The following TMEM161B variants were observed in gnomAD, a reference collection of about 807,000 sequenced individuals.
The protein encoded by TMEM161B is transmembrane protein 161B.
TMEM161B carries 34 observed loss-of-function variants against 61.8 expected under a neutral mutation model. That is an observed-to-expected ratio of 0.55 (90% CI 0.42 to 0.73). The LOEUF (loss-of-function observed/expected upper bound fraction) is 0.73, where lower values mean the gene tolerates loss of function less well. TMEM161B is among the 30% of genes least tolerant of loss of function. TMEM161B has a pLI of 0.00. For synonymous variants in TMEM161B, 167 were observed against 192.8 expected, an observed-to-expected ratio of 0.87 and a Z score of 1.11; for missense variants, 456 against 558.5, an observed-to-expected ratio of 0.82 and a Z score of 1.85.
chr5:88,195,431 T>C lies in TMEM161B; in HGVS notation c.*780A>G. 1.0e-6 allele frequency: 1 copy of C among 956,800 alleles called. No individual in the cohort carries two copies. Among genetic ancestry groups the C allele is most frequent in the Non-Finnish European group, 1.2e-6 (1 of 804,972 alleles). 59.3% of individuals were successfully genotyped at this position (956,800 alleles called of 1,614,324 possible). A position where few individuals can be genotyped will look rare whatever the true frequency, so the allele number is the denominator to read the frequency against. Reference sequence around the variant, plus strand: ...GGTTTACAAAGTAATTTCTTTAAAGTCTGATCAGTATTGATAAATATTTTA... The same window carrying C: ...GGTTTACAAAGTAATTTCTTTAAAGCCTGATCAGTATTGATAAATATTTTA... On this transcript the variant is annotated 3_prime_UTR_variant, in exon 12 of 12. Transcript: ENST00000296595.
chr5:88,218,338 A>C (rs1226417855), intron 5 of TMEM161B, among the ~76,000 whole-genome samples: 2 of 152,190 alleles, frequency 1.3e-5, no homozygotes, highest in Non-Finnish European at 2.9e-5. Context: ...AATTTTCTAG[A>C]ACTCAAGAAC....
intron 1 of TMEM161B, among the ~76,000 whole-genome samples, chr5:88,243,893 C>G (rs1020779936): frequency 6.6e-6 from 1 of 151,822 alleles, no homozygotes; most frequent in African/African-American, 2.4e-5. Flanking sequence ...TAAATGTCTC[C>G]ATTTGAAAGG....
intron 9 of TMEM161B, chr5:88,199,384 A>G: frequency 2.8e-6 from 1 of 359,056 alleles, no homozygotes; most frequent in South Asian, 8.9e-5. Flanking sequence ...TAGAAGAAAA[A>G]AGTAGAGCAA....
chr5:88,208,767 G>A (rs1340721463), intron 5 of TMEM161B, among the ~76,000 whole-genome samples: 1 of 152,158 alleles, frequency 6.6e-6, no homozygotes, highest in Non-Finnish European at 1.5e-5. Flanking sequence ...AGACAGTCTG[G>A]ATCTAGAATC....
chr5:88,256,630 T>G (rs928575980), intron 1 of TMEM161B, among the ~76,000 whole-genome samples: 3 of 152,248 alleles, frequency 2.0e-5, no homozygotes, highest in African/African-American at 4.8e-5. Flanking sequence ...ACCTGTATCA[T>G]GCTCAATTGT....
chr5:88,227,523 T>C (rs974493873), intron 3 of TMEM161B, among the ~76,000 whole-genome samples: 4 of 152,222 alleles, frequency 2.6e-5, no homozygotes, highest in Non-Finnish European at 4.4e-5. Flanking sequence ...TTACTATTAA[T>C]AGTCCAATGA....
In TMEM161B at chr5:88,226,249, A is replaced by G. The variant is rs918072288; in HGVS notation, c.192-383T>C. ...GTGACGTGTATAAACACACACACAC[A>G]CATACATATAAACAGACCCGGAACC... On this transcript the variant is annotated intron_variant, in intron 3 of 11. Transcript: ENST00000296595. Among the ~76,000 whole-genome samples the G allele has an allele frequency of 2.6e-5, 4 of 152,312 alleles. No individual in the cohort carries two copies. The South Asian group carries it at 6.2e-4, about 24-fold the overall frequency.
chr5:88,268,627 C>T, intron 1 of TMEM161B, 94 bp downstream of exon 1: 1 of 1,573,810 alleles, frequency 6.4e-7, no homozygotes, highest in South Asian at 1.1e-5. Context: ...CAACTCCATT[C>T]TGAGCAGAGC....
At chr5:88,235,289 GCA>G (rs1751658440) in intron 2 of TMEM161B, among the ~76,000 whole-genome samples, 1 of 152,102 alleles carries the variant, frequency 6.6e-6, no homozygotes, top group Admixed American at 6.5e-5. Flanking sequence ...ACACAGAAAA[GCA>G]CAGTTTTAAT....
chr5:88,232,667 G>A (rs982599974), intron 2 of TMEM161B, among the ~76,000 whole-genome samples: 3 of 151,998 alleles, frequency 2.0e-5, no homozygotes, highest in African/African-American at 2.4e-5. Context: ...TCTGCCTCCC[G>A]GGTTCATGCC....
chr5:88,259,876 T>C (rs991957932), intron 1 of TMEM161B, among the ~76,000 whole-genome samples: 8 of 152,270 alleles, frequency 5.3e-5, no homozygotes, highest in African/African-American at 1.9e-4. Context: ...TGAAATTCAA[T>C]TTTTTCATAA....
chr5:88,197,304 G>A (rs1346054672), intron 11 of TMEM161B, among the ~76,000 whole-genome samples: 1 of 152,130 alleles, frequency 6.6e-6, no homozygotes, highest in African/African-American at 2.4e-5. Context: ...TGTAATTTAT[G>A]TAAGTTTATA....
At chr5:88,257,904 A>G (rs1422273569) in intron 1 of TMEM161B, among the ~76,000 whole-genome samples, 1 of 152,170 alleles carries the variant, frequency 6.6e-6, no homozygotes, top group Non-Finnish European at 1.5e-5. Context: ...CAACAGTTCC[A>G]TAGTTTTAAA....
At chr5:88,216,366 G>A (rs552132685) in intron 5 of TMEM161B, among the ~76,000 whole-genome samples, 2 of 152,308 alleles carry the variant, frequency 1.3e-5, no homozygotes, top group Non-Finnish European at 2.9e-5. Context: ...TTTTTGATGT[G>A]TTTTATATGA....
rs775031896 is a variant in TMEM161B at position 88,240,680 on chromosome 5, G to C, written c.107+133C>G. The C allele has an allele frequency of 7.9e-5, 58 of 732,868 alleles. No individual in the cohort carries two copies. In the South Asian group the frequency reaches 8.2e-4, roughly 10 times the overall value. 45.4% of individuals were successfully genotyped at this position (732,868 alleles called of 1,614,324 possible). A position where few individuals can be genotyped will look rare whatever the true frequency, so the allele number is the denominator to read the frequency against. ...CAAAAAAAAAAAATTAATTTTTTAA[G>C]AGAAATAAGAAAGCTAGATTTTTCT... On this transcript the variant is annotated intron_variant, in intron 2 of 11. Transcript: ENST00000296595.
chr5:88,240,760 T>C (rs909507798), intron 2 of TMEM161B, 53 bp downstream of exon 2: 1 of 1,325,768 alleles, frequency 7.5e-7, no homozygotes, highest in African/African-American at 1.4e-5. Context: ...TTAATCAGTT[T>C]GGTAAACTAG....
Position 88,228,474 on chromosome 5 carries a change from T to C in TMEM161B, c.162A>G (p.Lys54=). Residue 54 remains lysine (K), a synonymous_variant, in exon 3 of 12, where the codon AAA becomes AAG. Coordinates refer to ENST00000296595, the MANE Select transcript of TMEM161B (RefSeq NM_153354.5). ...TEEELRILAG[K]QQKGKTKKDR... is the part of the protein sequence containing the mutation. ...CTTTTTTGGTTTTCCCTTTTTGTTG[T>C]TTCCCTGCAAGAATTCTTAATTCTT... The C allele has an allele frequency of 1.7e-5, 27 of 1,609,016 alleles. No individual in the cohort carries two copies. Among genetic ancestry groups the C allele is most frequent in the Non-Finnish European group, 2.2e-5 (26 of 1,178,452 alleles).
At position 88,195,743 on chromosome 5, in the gene TMEM161B, C is replaced by T. The variant is rs771268521; in HGVS notation, c.*468G>A. On this transcript the variant is annotated 3_prime_UTR_variant, in exon 12 of 12. Transcript: ENST00000296595. The stretch of plus-strand genomic sequence containing the variant: ...TTGGATTTTATTGTTTCAAGAGTAA[C>T]TAATAAATTACCAACAGAAGAGACT... 7 of 986,896 alleles carry T rather than the reference C, an allele frequency of 7.1e-6. No homozygotes were observed. Among genetic ancestry groups the T allele is most frequent in the Non-Finnish European group, 8.4e-6 (7 of 830,936 alleles). The allele number at this position is 986,896 out of a possible 1,614,324, so 61.1% of individuals were successfully genotyped here.
intron 2 of TMEM161B, among the ~76,000 whole-genome samples, chr5:88,230,205 CAAACAAAA>C (rs905136021): frequency 1.3e-5 from 2 of 151,874 alleles, no homozygotes; most frequent in African/African-American, 4.8e-5. Context: ...ACAAAACAAA[CAAACAAAA>C]AAACTGCAAC....
Sources: allele counts gnomAD v4.1 joint callset (sites outside exome capture counted in the v4.1 genomes callset), GRCh38; gene constraint gnomAD v4.1.1; transcripts MANE v1.5; gene names NCBI Gene and HGNC (gene_info 2026-07-23, HGNC 2026-07-21).